The following C6orf136 variants were observed in gnomAD, a reference collection of about 807,000 sequenced individuals.
The protein encoded by C6orf136 is chromosome 6 open reading frame 136.
A neutral mutation model predicts 44.0 loss-of-function variants in C6orf136; 29 were observed. The ratio of observed to expected loss-of-function variants is 0.66; its 90% confidence interval spans 0.49 to 0.90. C6orf136 has a LOEUF of 0.90. Ranked by LOEUF, C6orf136 falls within the 40% of genes least tolerant of loss-of-function variation. The pLI is 0.00. For synonymous variants in C6orf136, 293 were observed against 278.6 expected (o/e 1.05, Z -0.52); for missense variants, 628 against 669.3 (o/e 0.94, Z 0.68).
chr6:30,650,911 C>CA (rs367794901), intron 2 of C6orf136, 83 bp from the exon 3 acceptor site: 125,349 of 875,450 alleles, frequency 0.14, 14 homozygotes, highest in Non-Finnish European at 0.16. Context: ...GACTCCGTCT[C>CA]AAAAAAAAAA....
chr6:30,647,491 C>T lies in C6orf136; in HGVS notation c.260C>T (p.Ala87Val). ...GGAGCGGGAGGGAGGCGCTGCCGGG[C>T]CTGTCGCGCAAGGACGTCGGTCCTC... is the stretch of plus-strand genomic sequence containing the variant. Reference protein sequence around the residue: ...VAGAGGRRCRACRARTSVLPG... With the variant: ...VAGAGGRRCRVCRARTSVLPG... Residue 87 changes from alanine to valine, a missense_variant, in exon 1 of 6, where the codon GCC becomes GTC. Physicochemically the swap from Ala to Val is moderately conservative, Grantham distance 64. This residue lies in a region of C6orf136 where 497 missense variants were observed against 469.2 expected (regional missense o/e 1.06). Transcript: ENST00000651131. The surrounding 1 kb of genome is among the most constrained non-coding windows in gnomAD (Gnocchi z 4.8). 6.7e-7 allele frequency: 1 copy of T among 1,493,292 alleles called. No individual in the cohort carries two copies. The highest frequency in any genetic ancestry group is 1.4e-5 in the African/African-American group (1 of 71,386). The allele number at this position is 1,493,292 out of a possible 1,614,324, so 92.5% of individuals were successfully genotyped here.
At chr6:30,650,374 G>A (rs1254428472) in intron 2 of C6orf136, among the ~76,000 whole-genome samples, 2 of 147,288 alleles carry the variant, frequency 1.4e-5, no homozygotes, top group South Asian at 2.2e-4. Context: ...GCAACAGAGC[G>A]AGACTCCGTC....
rs1316416636 is a variant in C6orf136, at chr6:30,652,982, C to G, written c.*67C>G. 2.8e-6 allele frequency: 4 copies of G among 1,422,024 alleles called. No homozygotes were observed. 88.1% of individuals were successfully genotyped at this position (1,422,024 alleles called of 1,614,324 possible). ...CCCAAGAGAAGGAGGTGGAGGCAGC[C>G]AAGAATCTCAGGAGCCAGCTTCCTC... On this transcript the variant is annotated 3_prime_UTR_variant, in exon 6 of 6. Coordinates refer to ENST00000651131, the MANE Select transcript of C6orf136 (RefSeq NM_001161376.2).
Position 30,649,713 on chromosome 6 carries a change from C to T in C6orf136, c.771C>T (p.Ile257=), listed in dbSNP as rs1048181898. 2 of 1,613,000 alleles carry T rather than the reference C, an allele frequency of 1.2e-6. No homozygotes were observed. The change falls in exon 2 of 6, where the codon ATC becomes ATT. Residue 257 remains isoleucine, a synonymous_variant. Coordinates refer to ENST00000651131, the MANE Select transcript of C6orf136 (RefSeq NM_001161376.2). ...PQVPPLPLPQ[I]QALSSAWVVL... ...TTCCCCCACTACCTCTCCCTCAGAT[C>T]CAGGCCCTCAGCTCAGCATGGGTGG... is the stretch of plus-strand genomic sequence containing the variant.
intron 4 of C6orf136, among the ~76,000 whole-genome samples, chr6:30,652,283 A>ACACACACACACAC (rs1561959009): frequency 6.9e-6 from 1 of 144,322 alleles, no homozygotes; most frequent in African/African-American, 2.6e-5. Flanking sequence ...ACACACACAC[A>ACACACACACACAC]AAAGTACTGA....
Position 30,647,504 on chromosome 6 carries a change from G to A in C6orf136, c.273G>A (p.Arg91=). The change falls in exon 1 of 6, where the codon AGG becomes AGA. Residue 91 remains arginine (R), a synonymous_variant. Transcript: ENST00000651131. This position sits in a 1 kb window ranked among gnomAD's most constrained non-coding sequence, Gnocchi z 4.8. ...GGRRCRACRA[R]TSVLPGLRAV... ...GGCGCTGCCGGGCCTGTCGCGCAAG[G>A]ACGTCGGTCCTCCCAGGTTTGAGGG... 2 of 1,500,468 alleles carry A rather than the reference G, an allele frequency of 1.3e-6. No homozygotes were observed. Among genetic ancestry groups the A allele is most frequent in the Non-Finnish European group, 1.8e-6 (2 of 1,118,214 alleles). The allele number at this position is 1,500,468 out of a possible 1,614,324, so 92.9% of individuals were successfully genotyped here. A position where few individuals can be genotyped will look rare whatever the true frequency, so the allele number is the denominator to read the frequency against.
At chr6:30,648,363 C>G (rs1045755759) in intron 1 of C6orf136, among the ~76,000 whole-genome samples, 3 of 150,824 alleles carry the variant, frequency 2.0e-5, no homozygotes, top group African/African-American at 7.3e-5. Context: ...ATGATTCTTG[C>G]GATAAGAGAG....
In C6orf136 at chr6:30,647,759, C is replaced by T. The variant is rs1766998029; in HGVS notation, c.528C>T (p.Cys176=). 1 of 1,547,836 alleles carries T rather than the reference C, an allele frequency of 6.5e-7. No individual in the cohort carries two copies. Among genetic ancestry groups the T allele is most frequent in the Non-Finnish European group, 8.7e-7 (1 of 1,146,400 alleles). The change falls in exon 1 of 6, where the codon TGC becomes TGT. Residue 176 remains cysteine (C), a synonymous_variant. Transcript: ENST00000651131. This position sits in a 1 kb window ranked among gnomAD's most constrained non-coding sequence, Gnocchi z 4.8. ...CCTGGCAGGAAGGCCGGCCAGTGTG[C>T]ACCCGGTTCGGGCCCCTGCGCCCGG... ...ERSWQEGRPV[C]TRFGPLRPGW... is the part of the protein sequence containing the mutation.
At chr6:30,648,608 C>T (rs1007828599) in intron 1 of C6orf136, among the ~76,000 whole-genome samples, 6 of 151,014 alleles carry the variant, frequency 4.0e-5, no homozygotes, top group African/African-American at 1.5e-4. Context: ...ACCATATTGG[C>T]CAGGCTGGTC....
chr6:30,649,925 ATCTG>A lies in C6orf136; in HGVS notation c.990_993del (p.Val331CysfsTer5). The A allele has an allele frequency of 1.9e-6, 3 of 1,613,886 alleles. No individual in the cohort carries two copies. Among genetic ancestry groups the A allele is most frequent in the South Asian group, 1.1e-5 (1 of 91,080 alleles). ...TCAGGAGATCCTAGTATGGAGGAAC[ATCTG>A]TCTGTCATGTATGAGAGACTGAGAC... On this transcript the variant is annotated frameshift_variant, in exon 2 of 6. Coordinates refer to ENST00000651131, the MANE Select transcript of C6orf136 (RefSeq NM_001161376.2). LOFTEE classifies it high-confidence loss of function.
intron 4 of C6orf136, 138 bp from the exon 5 acceptor site, chr6:30,652,510 A>C: frequency 1.3e-6 from 1 of 776,818 alleles, no homozygotes; most frequent in Admixed American, 1.8e-5. Flanking sequence ...GGCACAACCT[A>C]AGCACTGAGA....
intron 3 of C6orf136, 88 bp from the exon 4 acceptor site, chr6:30,651,178 T>TTC: frequency 6.3e-7 from 1 of 1,574,852 alleles, no homozygotes; most frequent in Non-Finnish European, 8.7e-7. Flanking sequence ...CCTAGACTGC[T>TTC]TCTCACAGCT....
chr6:30,652,431 T>C (rs983046036), intron 4 of C6orf136, among the ~76,000 whole-genome samples: 3 of 152,238 alleles, frequency 2.0e-5, no homozygotes, highest in African/African-American at 7.2e-5. Context: ...CCCAAACTGC[T>C]GCACAGTAGA....
Position 30,647,711 on chromosome 6 carries a change from C to T in C6orf136, c.480C>T (p.Ala160=). 6.5e-7 allele frequency: 1 copy of T among 1,550,106 alleles called. No individual in the cohort carries two copies. The highest frequency in any genetic ancestry group is 1.2e-5 in the South Asian group (1 of 84,018). The change falls in exon 1 of 6, where the codon GCC becomes GCT. Residue 160 remains alanine, a synonymous_variant. Coordinates refer to ENST00000651131, the MANE Select transcript of C6orf136 (RefSeq NM_001161376.2). The surrounding 1 kb of genome is among the most constrained non-coding windows in gnomAD (Gnocchi z 4.8). Reference sequence around the variant, plus strand: ...CCGCGGGGCGCCCTCAGCAGCCCGCCCGTCTTGCACTCGGAGAGCGGTCCT... The same window carrying T: ...CCGCGGGGCGCCCTCAGCAGCCCGCTCGTCTTGCACTCGGAGAGCGGTCCT... The part of the protein sequence containing the change: ...TRPAGRPQQP[A]RLALGERSWQ...
At chr6:30,652,625 G>T in intron 4 of C6orf136, 23 bp from the exon 5 acceptor site, 1 of 1,609,686 alleles carries the variant, frequency 6.2e-7, no homozygotes, top group Non-Finnish European at 8.5e-7. Context: ...TTCTCCCTCA[G>T]TAAGCCTCCC....
Position 30,652,788 on chromosome 6 carries a change from C to T in C6orf136, c.1378-14C>T, listed in dbSNP as rs754402953. Reference sequence around the variant, plus strand: ...TGTGCCTCCCCCAACTGGCATTAACCTTTCTCCCTGCAGCTGATGCCTTCA... The same window carrying T: ...TGTGCCTCCCCCAACTGGCATTAACTTTTCTCCCTGCAGCTGATGCCTTCA... On this transcript the variant is annotated splice_polypyrimidine_tract_variant and intron_variant, in intron 5 of 5. Transcript: ENST00000651131. The T allele has an allele frequency of 3.3e-5, 54 of 1,612,532 alleles. No individual in the cohort carries two copies. Among genetic ancestry groups the T allele is most frequent in the Non-Finnish European group, 4.0e-5 (47 of 1,179,674 alleles).
Position 30,647,602 on chromosome 6 carries a change from C to G in C6orf136, c.371C>G (p.Pro124Arg). The G allele has an allele frequency of 1.9e-6, 3 of 1,549,252 alleles. No homozygotes were observed. The highest frequency in any genetic ancestry group is 2.6e-6 in the Non-Finnish European group (3 of 1,146,138). ...CCCGACTCTCCGCGGTTACCTGTGCCTAGAGGTGATTTGAAGGGCAGGGGC... is the reference window on the plus strand; with the variant it reads ...CCCGACTCTCCGCGGTTACCTGTGCGTAGAGGTGATTTGAAGGGCAGGGGC... ...VAPDSPRLPVPRGDLKGRGRE... is the reference protein window; with the variant it reads ...VAPDSPRLPVRRGDLKGRGRE... Residue 124 changes from proline (P) to arginine (R), a missense_variant, in exon 1 of 6, where the codon CCT (proline) becomes CGT (arginine). This residue lies in a region of C6orf136 where 497 missense variants were observed against 469.2 expected (regional missense o/e 1.06). Coordinates refer to ENST00000651131, the MANE Select transcript of C6orf136 (RefSeq NM_001161376.2). The surrounding 1 kb of genome is among the most constrained non-coding windows in gnomAD (Gnocchi z 4.8).
chr6:30,648,694 C>G (rs1230037164), intron 1 of C6orf136, among the ~76,000 whole-genome samples: 1 of 146,012 alleles, frequency 6.8e-6, no homozygotes, highest in Non-Finnish European at 1.5e-5. Context: ...GCCACCGCGC[C>G]CGGCCACATT....
Position 30,652,943 on chromosome 6 carries a change from TG to T in C6orf136, c.*29del. ...CTTGACCTTGGAGTGGAGGCAGCAC[TG>T]AAGACTGCTACGCCCAAGAGAAGGA... is the stretch of plus-strand genomic sequence containing the variant. On this transcript the variant is annotated 3_prime_UTR_variant, in exon 6 of 6. Coordinates refer to ENST00000651131, the MANE Select transcript of C6orf136 (RefSeq NM_001161376.2). 1.3e-6 allele frequency: 2 copies of T among 1,578,550 alleles called. No homozygotes were observed. The highest frequency in any genetic ancestry group is 1.7e-6 in the Non-Finnish European group (2 of 1,149,644).
Sources: gnomAD v4.1 joint callset for allele counts (sites outside exome capture counted in the v4.1 genomes callset) on GRCh38, gnomAD v4.1.1 for gene constraint, gnomAD v4.1.1 regional missense constraint, Gnocchi (gnomAD v3.1) non-coding constraint, MANE v1.5 for transcripts, NCBI Gene and HGNC (gene_info 2026-07-23, HGNC 2026-07-21) for gene names.